The following C1orf226 variants were observed in gnomAD, a reference collection of about 807,000 sequenced individuals.
The protein encoded by C1orf226 is chromosome 1 open reading frame 226, also known as uncharacterized protein C1orf226.
Under a neutral mutation model 10.5 loss-of-function variants are expected in C1orf226, and 4 were observed. The ratio of observed to expected loss-of-function variants is 0.38; its 90% confidence interval spans 0.19 to 0.87. The LOEUF (loss-of-function observed/expected upper bound fraction) is 0.87. C1orf226 is among the 40% of genes least tolerant of loss of function. The pLI is 0.41. For synonymous variants in C1orf226, 125 were observed against 139.3 expected (o/e 0.90, Z 0.72); for missense variants, 313 against 336.2 (o/e 0.93, Z 0.54).
upstream of C1orf226, among the ~76,000 whole-genome samples, chr1:162,379,508 A>G (rs1336283170): frequency 6.6e-6 from 1 of 152,256 alleles, no homozygotes; most frequent in African/African-American, 2.4e-5. Context: ...AATGCCTACT[A>G]TCGTGCAAGA....
In C1orf226 at chr1:162,383,881, C is replaced by A; in HGVS notation, c.*198C>A. 1.7e-6 allele frequency: 1 copy of A among 588,740 alleles called. No homozygotes were observed. Among genetic ancestry groups the A allele is most frequent in the Non-Finnish European group, 2.9e-6 (1 of 342,380 alleles). 36.5% of individuals were successfully genotyped at this position (588,740 alleles called of 1,614,324 possible). A position where few individuals can be genotyped will look rare whatever the true frequency, so the allele number is the denominator to read the frequency against. On this transcript the variant is annotated 3_prime_UTR_variant, in exon 2 of 2. Transcript: ENST00000458626. ...TAGTTCTAGTTAAAGAGTCTATCCG[C>A]AGAATGGCTGAAGGACTTGATGCCG...
upstream of C1orf226, among the ~76,000 whole-genome samples, chr1:162,379,274 G>A (rs563736092): frequency 6.6e-6 from 1 of 152,096 alleles, no homozygotes; most frequent in Non-Finnish European, 1.5e-5. Flanking sequence ...CTCAGACATA[G>A]GGATAAAGGG....
At chr1:162,382,269 A>C (rs1647942934) in intron 1 of C1orf226, 51 bp downstream of exon 1, 2 of 1,531,240 alleles carry the variant, frequency 1.3e-6, no homozygotes, top group East Asian at 4.9e-5. Flanking sequence ...ACCCACTTGA[A>C]AAGGTACAGG....
At position 162,385,860 on chromosome 1, in the gene C1orf226, T is replaced by A. The variant is rs1648093816; in HGVS notation, c.*2177T>A. 1 of 151,678 alleles carries A rather than the reference T, an allele frequency of 6.6e-6. No individual in the cohort carries two copies. The highest frequency in any genetic ancestry group is 2.1e-4 in the South Asian group (1 of 4,828). 9.4% of individuals were successfully genotyped at this position (151,678 alleles called of 1,614,324 possible). On this transcript the variant is annotated 3_prime_UTR_variant, in exon 2 of 2. Coordinates refer to ENST00000458626, the MANE Select transcript of C1orf226 (RefSeq NM_001085375.2). The stretch of plus-strand genomic sequence containing the variant: ...CCAGGGCGGCTCTGGCCCGATGATA[T>A]GGCAGCCATAGGTACAGGTATTGCA...
Position 162,385,216 on chromosome 1 carries a change from C to G in C1orf226, c.*1533C>G, listed in dbSNP as rs954635001. 1.3e-5 allele frequency: 2 copies of G among 152,528 alleles called. No individual in the cohort carries two copies. The highest frequency in any genetic ancestry group is 2.9e-5 in the Non-Finnish European group (2 of 68,082). The allele number at this position is 152,528 out of a possible 1,614,324, so 9.4% of individuals were successfully genotyped here. A position where few individuals can be genotyped will look rare whatever the true frequency, so the allele number is the denominator to read the frequency against. On this transcript the variant is annotated 3_prime_UTR_variant, in exon 2 of 2. Transcript: ENST00000458626. ...TCTATTCATTGTTTGGCTTCCCACC[C>G]ATAAGCTCTGGGATACCCAGGGCTT...
In C1orf226 at chr1:162,385,960, G is replaced by C. The variant is rs1648096573; in HGVS notation, c.*2277G>C. On this transcript the variant is annotated 3_prime_UTR_variant, in exon 2 of 2. Transcript: ENST00000458626. ...GCTGGAGTCCAGGACCTTAGACCCA[G>C]GATGAGCAAAAGGATCCCACCAGGT... 1 of 152,512 alleles carries C rather than the reference G, an allele frequency of 6.6e-6. No homozygotes were observed. Among genetic ancestry groups the C allele is most frequent in the African/African-American group, 2.4e-5 (1 of 41,448 alleles). The allele number at this position is 152,512 out of a possible 1,614,324, so 9.4% of individuals were successfully genotyped here.
In C1orf226 at chr1:162,382,015, TG is replaced by T. The variant is rs1557904059; in HGVS notation, c.120del (p.Pro41GlnfsTer22). 2.5e-6 allele frequency: 4 copies of T among 1,612,032 alleles called. No homozygotes were observed. Among genetic ancestry groups the T allele is most frequent in the African/African-American group, 1.3e-5 (1 of 75,002 alleles). ...CTGCCCCTCTGGGCTCTGGTGAGCC[TG>T]GGGGGCCAGGACTCTGGGTGGGCAG... ...GSAPLGSGEP[G>X]GPGLWVGSSQ... On this transcript the variant is annotated frameshift_variant, in exon 1 of 2. Coordinates refer to ENST00000458626, the MANE Select transcript of C1orf226 (RefSeq NM_001085375.2). LOFTEE classifies it high-confidence loss of function.
At chr1:162,379,042 C>A (rs1483703327), upstream of C1orf226, 15 of 1,525,764 alleles carry the variant, frequency 9.8e-6, no homozygotes, top group East Asian at 3.7e-4. Context: ...GTAAGATATC[C>A]TGTTTTTTTG....
upstream of C1orf226, among the ~76,000 whole-genome samples, chr1:162,381,413 T>A (rs1647902714): frequency 6.6e-6 from 1 of 152,214 alleles, no homozygotes. Flanking sequence ...GTGGAGAATA[T>A]GTGCTATACT....
chr1:162,383,858 GT>G lies in C1orf226; in HGVS notation c.*177del. On this transcript the variant is annotated 3_prime_UTR_variant, in exon 2 of 2. Transcript: ENST00000458626. ...TTGCAGGACTGGAAGTCCTTGAGTA[GT>G]TCTAGTTAAAGAGTCTATCCGCAGA... 1 of 650,768 alleles carries G rather than the reference GT, an allele frequency of 1.5e-6. No homozygotes were observed. The highest frequency in any genetic ancestry group is 2.1e-5 in the South Asian group (1 of 46,684). The allele number at this position is 650,768 out of a possible 1,614,324, so 40.3% of individuals were successfully genotyped here. A position where few individuals can be genotyped will look rare whatever the true frequency, so the allele number is the denominator to read the frequency against.
At position 162,383,610 on chromosome 1, in the gene C1orf226, G is replaced by GC. The variant is rs1350869286; in HGVS notation, c.752dup (p.Pro252SerfsTer11). 2.5e-6 allele frequency: 4 copies of GC among 1,607,770 alleles called. No homozygotes were observed. The highest frequency in any genetic ancestry group is 3.4e-6 in the Non-Finnish European group (4 of 1,177,188). On this transcript the variant is annotated frameshift_variant, in exon 2 of 2. Transcript: ENST00000458626. LOFTEE classifies it high-confidence loss of function. ...CTGGCTGAGTCCTGGGAGGATGGCA[G>GC]CCCCCCTCCTCAGGCACGGACCTCC...
upstream of C1orf226, among the ~76,000 whole-genome samples, chr1:162,381,326 T>G (rs1265580538): frequency 1.3e-5 from 2 of 152,186 alleles, no homozygotes; most frequent in Non-Finnish European, 2.9e-5. Context: ...GAACCACCAC[T>G]TAGCACCTCT....
At chr1:162,379,065 A>G, upstream of C1orf226, 1 of 1,382,436 alleles carries the variant, frequency 7.2e-7, no homozygotes, top group Non-Finnish European at 1.0e-6. Context: ...GATGACTTAC[A>G]TCCCCAGATG....
In C1orf226 at chr1:162,385,626, A is replaced by C. The variant is rs1477922993; in HGVS notation, c.*1943A>C. On this transcript the variant is annotated 3_prime_UTR_variant, in exon 2 of 2. Coordinates refer to ENST00000458626, the MANE Select transcript of C1orf226 (RefSeq NM_001085375.2). ...ACCCTGATGTCAGAGAGGAGGTCTC[A>C]GGACTAGCATTCGGGGTCCTTTGAG... 6.6e-6 allele frequency: 1 copy of C among 152,262 alleles called. No individual in the cohort carries two copies. The highest frequency in any genetic ancestry group is 2.4e-5 in the African/African-American group (1 of 41,456). 9.4% of individuals were successfully genotyped at this position (152,262 alleles called of 1,614,324 possible).
Position 162,381,750 on chromosome 1 carries a change from CTT to C in C1orf226, c.-150_-149del. 6.8e-7 allele frequency: 1 copy of C among 1,467,490 alleles called. No individual in the cohort carries two copies. Among genetic ancestry groups the C allele is most frequent in the Admixed American group, 2.9e-5 (1 of 34,256 alleles). 90.9% of individuals were successfully genotyped at this position (1,467,490 alleles called of 1,614,324 possible). A position where few individuals can be genotyped will look rare whatever the true frequency, so the allele number is the denominator to read the frequency against. On this transcript the variant is annotated 5_prime_UTR_variant, in exon 1 of 2. Transcript: ENST00000458626. ...ACTACACTGGAAAGTTCAAGAGTGT[CTT>C]TGCTGGCTCTTTCTTGAATATTTCC...
chr1:162,380,798 T>TACC (rs1484321716), upstream of C1orf226, among the ~76,000 whole-genome samples: 1 of 152,196 alleles, frequency 6.6e-6, no homozygotes, highest in Non-Finnish European at 1.5e-5. Context: ...ACCTTTAAGC[T>TACC]ACCACCTTGG....
At chr1:162,381,095 T>C (rs1190663285), upstream of C1orf226, among the ~76,000 whole-genome samples, 1 of 152,228 alleles carries the variant, frequency 6.6e-6, no homozygotes, top group Non-Finnish European at 1.5e-5. Context: ...AGCTGTGGGT[T>C]AGAAGGCCTG....
Position 162,383,687 on chromosome 1 carries a change from C to T in C1orf226, c.*4C>T, listed in dbSNP as rs536148325. ...AGACCTGCTGTCCTTTGAATAGAGC[C>T]TCTGCTCTTTCCTGCTGAGCTCTGC... On this transcript the variant is annotated 3_prime_UTR_variant, in exon 2 of 2. Coordinates refer to ENST00000458626, the MANE Select transcript of C1orf226 (RefSeq NM_001085375.2). The T allele has an allele frequency of 1.9e-4, 297 of 1,588,064 alleles. 2 individuals are homozygous for T. In the South Asian group the frequency reaches 3.2e-3, roughly 17 times the overall value.
At position 162,381,801 on chromosome 1, in the gene C1orf226, T is replaced by G; in HGVS notation, c.-101T>G. On this transcript the variant is annotated 5_prime_UTR_variant, in exon 1 of 2. Transcript: ENST00000458626. ...CCAAAGCCTTGGAAGTTACAGGTTT[T>G]GGGTGTGGGATAAGGAAAAACTGAA... 1 of 1,525,824 alleles carries G rather than the reference T, an allele frequency of 6.6e-7. No homozygotes were observed. 94.5% of individuals were successfully genotyped at this position (1,525,824 alleles called of 1,614,324 possible).
Sources: gnomAD v4.1 joint callset for allele counts (sites outside exome capture counted in the v4.1 genomes callset) on GRCh38, gnomAD v4.1.1 for gene constraint, MANE v1.5 for transcripts, NCBI Gene and HGNC (gene_info 2026-07-23, HGNC 2026-07-21) for gene names.